Variants in DHX37 observed in about 807,000 individuals in gnomAD.
DHX37 encodes the protein DEAH-box helicase 37.
In DHX37, 52 loss-of-function variants were observed where a neutral mutation model predicts 134.3. The observed-to-expected ratio is 0.39, with a 90% CI of 0.31 to 0.49. The LOEUF is 0.49. DHX37 is among the 20% of genes least tolerant of loss of function. The pLI, the probability that DHX37 is intolerant of heterozygous loss-of-function variation, is 0.93. For missense variants in DHX37, 1,344 were observed against 1,580.8 expected (o/e 0.85, Z 2.54); for synonymous variants, 634 against 670.7 (o/e 0.95, Z 0.85).
intron 18 of DHX37, among the ~76,000 whole-genome samples, 177 bp from the exon 19 acceptor site, chr12:124,954,388 G>A (rs1482184621): frequency 2.6e-5 from 4 of 152,032 alleles, no homozygotes; most frequent in Non-Finnish European, 4.4e-5. Flanking sequence ...CCGCTGCACT[G>A]TTGTTCTTTT....
intron 21 of DHX37, among the ~76,000 whole-genome samples, chr12:124,951,459 G>T (rs1953976264): frequency 6.6e-6 from 1 of 152,216 alleles, no homozygotes; most frequent in South Asian, 2.1e-4. Context: ...AAACGGGGGT[G>T]ACGGGGAACT....
At chr12:124,954,386 CTGT>C (rs1181068339) in intron 18 of DHX37, among the ~76,000 whole-genome samples, 175 bp from the exon 19 acceptor site, 1 of 152,002 alleles carries the variant, frequency 6.6e-6, no homozygotes, top group Non-Finnish European at 1.5e-5. Flanking sequence ...CACCGCTGCA[CTGT>C]TGTTCTTTTT....
chr12:124,977,516 A>C (rs781596005), intron 4 of DHX37, 26 bp from the exon 5 acceptor site: 6 of 1,576,470 alleles, frequency 3.8e-6, no homozygotes, highest in East Asian at 4.5e-5. Context: ...GTCAGCACTT[A>C]GGGAGCAGCA....
chr12:124,974,550 T>C (rs7302699), intron 6 of DHX37, among the ~76,000 whole-genome samples: 97,385 of 147,466 alleles, frequency 0.66, 32,627 homozygotes, highest in East Asian at 0.78. Context: ...GAGCCCAGGA[T>C]GGGCCTGGCA....
intron 16 of DHX37, among the ~76,000 whole-genome samples, chr12:124,959,375 C>T (rs923873375): frequency 7.0e-6 from 1 of 142,494 alleles, no homozygotes; most frequent in Non-Finnish European, 1.5e-5. Context: ...GCCCAGCCTC[C>T]CTGGCTAATT....
In DHX37 at chr12:124,948,149, G is replaced by A. The variant is rs755367407; in HGVS notation, c.3323C>T (p.Ala1108Val). ...LQPRTESLLRALVAEKADCHE... is the reference protein window; with the variant it reads ...LQPRTESLLRVLVAEKADCHE... ...GCAGTCAGCCTTCTCTGCAACCAGG[G>A]CTCGCAGAAGGCTCTCCGTACGGGG... Residue 1108 changes from alanine to valine, a missense_variant, in exon 26 of 27, where the codon GCC (alanine) becomes GTC (valine). Physicochemically the swap from Ala to Val is moderately conservative, Grantham distance 64 (BLOSUM62 0). Coordinates refer to ENST00000308736, the MANE Select transcript of DHX37 (RefSeq NM_032656.4). The A allele has an allele frequency of 1.9e-6, 3 of 1,614,086 alleles. No individual in the cohort carries two copies. The highest frequency in any genetic ancestry group is 2.5e-6 in the Non-Finnish European group (3 of 1,180,048).
intron 12 of DHX37, 104 bp from the exon 13 acceptor site, chr12:124,965,916 A>AC: frequency 3.5e-6 from 5 of 1,437,744 alleles, no homozygotes; most frequent in Non-Finnish European, 4.7e-6. Context: ...CCCGGTCCAC[A>AC]CCCATGGGCC....
At position 124,988,980 on chromosome 12, in the gene DHX37, G is replaced by C; in HGVS notation, c.43C>G (p.Gln15Glu). 1 of 1,358,986 alleles carries C rather than the reference G, an allele frequency of 7.4e-7. No individual in the cohort carries two copies. Among genetic ancestry groups the C allele is most frequent in the Non-Finnish European group, 9.5e-7 (1 of 1,047,570 alleles). The allele number at this position is 1,358,986 out of a possible 1,614,324, so 84.2% of individuals were successfully genotyped here. Residue 15 changes from glutamine (Q) to glutamate (E), a missense_variant, in exon 1 of 27, where the codon CAG becomes GAG. By Grantham distance (29) the Gln-to-Glu change is conservative. Coordinates refer to ENST00000308736, the MANE Select transcript of DHX37 (RefSeq NM_032656.4). ...CCCTTCGAGGGTCCGGGGCCCGCCT[G>C]CTGGCGCCCCTTGATGTTGTAGCGC... ...RRRYNIKGRQ[Q>E]AGPGPSKGPP...
intron 2 of DHX37, among the ~76,000 whole-genome samples, chr12:124,983,926 C>G (rs1173836994): frequency 6.6e-6 from 1 of 152,204 alleles, no homozygotes; most frequent in Non-Finnish European, 1.5e-5. Context: ...GTGCAGTGGC[C>G]TCACCAAAAG....
In DHX37 at chr12:124,958,624, C is replaced by CT. The variant is rs200897333; in HGVS notation, c.2158-1490dup. Among the ~76,000 whole-genome samples, 3 of 148,982 alleles carry CT rather than the reference C, an allele frequency of 2.0e-5. No individual in the cohort carries two copies. In the East Asian group the frequency reaches 6.1e-4, roughly 30 times the overall value. On this transcript the variant is annotated intron_variant, in intron 16 of 26. Transcript: ENST00000308736. Reference sequence around the variant, plus strand: ...CAGCACATACTTGGCATCCATGATTCTTTTTTTTCTTTTTTTTTGTGAGAT... The same window carrying CT: ...CAGCACATACTTGGCATCCATGATTCTTTTTTTTTCTTTTTTTTTGTGAGAT...
intron 21 of DHX37, among the ~76,000 whole-genome samples, chr12:124,951,013 G>A (rs1332268726): frequency 2.0e-5 from 3 of 152,230 alleles, no homozygotes; most frequent in Non-Finnish European, 2.9e-5. Flanking sequence ...GCTCACGCCT[G>A]TAATCCCAAC....
At chr12:124,957,432 A>G (rs1446821334) in intron 16 of DHX37, among the ~76,000 whole-genome samples, 1 of 152,040 alleles carries the variant, frequency 6.6e-6, no homozygotes, top group Non-Finnish European at 1.5e-5. Context: ...AGACTATTAT[A>G]CTCATGAGGA....
At chr12:124,973,638 C>CT (rs71092252) in intron 6 of DHX37, among the ~76,000 whole-genome samples, 28,742 of 102,546 alleles carry the variant, frequency 0.28, 6,516 homozygotes, top group East Asian at 0.61. Context: ...CCCCCCAACG[C>CT]TTTTTTTTTT....
In DHX37 at chr12:124,976,073, G is replaced by T. The variant is rs577751302; in HGVS notation, c.888-562C>A. On this transcript the variant is annotated intron_variant, in intron 5 of 26. Transcript: ENST00000308736. ...TAGGATTTCGTTCCTGCCAGGCAGG[G>T]TGGGCTTAGGCGACCCCAGTAACAG... Among the ~76,000 whole-genome samples, 6 of 152,310 alleles carry T rather than the reference G, an allele frequency of 3.9e-5. No homozygotes were observed. In the East Asian group the frequency reaches 5.8e-4, roughly 15 times the overall value.
At chr12:124,962,187 AAC>A (rs1275890666) in intron 15 of DHX37, among the ~76,000 whole-genome samples, 1 of 152,044 alleles carries the variant, frequency 6.6e-6, no homozygotes, top group African/African-American at 2.4e-5. Context: ...CAGCCTGAGC[AAC>A]AGAGTGAGAC....
At chr12:124,978,342 A>T (rs566853144) in intron 4 of DHX37, among the ~76,000 whole-genome samples, 1 of 150,166 alleles carries the variant, frequency 6.7e-6, no homozygotes, top group East Asian at 2.0e-4. Flanking sequence ...TTTGAGACAG[A>T]GTTTCACTCT....
intron 7 of DHX37, among the ~76,000 whole-genome samples, 163 bp downstream of exon 7, chr12:124,972,340 T>A (rs1954539481): frequency 6.6e-6 from 1 of 152,212 alleles, no homozygotes; most frequent in Admixed American, 6.5e-5. Flanking sequence ...ATCAAGAAAC[T>A]GAGCTTGGAG....
intron 18 of DHX37, 86 bp downstream of exon 18, chr12:124,956,605 C>T (rs1214117749): frequency 3.9e-5 from 56 of 1,436,036 alleles, no homozygotes; most frequent in Non-Finnish European, 4.8e-5. Flanking sequence ...TCTTCTACCT[C>T]AGCCTCCTGA....
At chr12:124,986,302 G>C in intron 1 of DHX37, 37 bp from the exon 2 acceptor site, 1 of 1,603,038 alleles carries the variant, frequency 6.2e-7, no homozygotes, top group South Asian at 1.1e-5. Context: ...CATTCTCCTT[G>C]AGGTAGCTCT....
Sources: allele counts gnomAD v4.1 joint callset (sites outside exome capture counted in the v4.1 genomes callset), GRCh38; gene constraint gnomAD v4.1.1; transcripts MANE v1.5; gene names NCBI Gene and HGNC (gene_info 2026-07-23, HGNC 2026-07-21).